SASH1: variants seen among roughly 807,000 people sequenced by gnomAD.
SASH1 encodes SAM and SH3 domain containing 1, also known as SAM and SH3 domain-containing protein 1.
A neutral mutation model predicts 125.2 loss-of-function variants in SASH1; 44 were observed. The ratio of observed to expected loss-of-function variants is 0.35; its 90% CI spans 0.28 to 0.45. The LOEUF is 0.45. Among genes scored for constraint, SASH1 ranks in the 20% least tolerant of loss-of-function variants. SASH1 has a pLI of 1.00. For synonymous variants in SASH1, 639 were observed against 649.1 expected, an observed-to-expected ratio of 0.98 and a Z score of 0.24; for missense variants, 1,426 against 1,614.5, an observed-to-expected ratio of 0.88 and a Z score of 2.00.
intron 1 of SASH1, among the ~76,000 whole-genome samples, chr6:148,388,042 A>G (rs1000824731): frequency 1.3e-5 from 2 of 148,538 alleles, no homozygotes; most frequent in Non-Finnish European, 3.0e-5. Flanking sequence ...CAGCCTCCTG[A>G]GTAGCTGGGA....
intron 1 of SASH1, among the ~76,000 whole-genome samples, chr6:148,276,788 A>T (rs1005628850): frequency 3.3e-5 from 5 of 152,154 alleles, no homozygotes; most frequent in Non-Finnish European, 5.9e-5. Flanking sequence ...AGTACTTCAC[A>T]TAAATAATCA....
chr6:148,471,849 A>G (rs969961396), intron 6 of SASH1, among the ~76,000 whole-genome samples: 9 of 152,088 alleles, frequency 5.9e-5, no homozygotes, highest in South Asian at 2.1e-4. Context: ...GAGCCCTAGC[A>G]TGTGTTGGTT....
intron 4 of SASH1, among the ~76,000 whole-genome samples, chr6:148,449,278 C>T (rs1185404675): frequency 2.0e-5 from 3 of 151,282 alleles, no homozygotes; most frequent in African/African-American, 7.3e-5. Context: ...CCATATTGGC[C>T]AGGCTTGTTA....
intron 2 of SASH1, among the ~76,000 whole-genome samples, chr6:148,424,649 G>A (rs990459784): frequency 1.3e-5 from 2 of 152,288 alleles, no homozygotes; most frequent in African/African-American, 4.8e-5. Flanking sequence ...GGGTTTACTG[G>A]TGTGAGCCAC....
upstream of SASH1, among the ~76,000 whole-genome samples, chr6:148,340,678 C>T (rs117318962): frequency 7.9e-4 from 120 of 152,242 alleles, no homozygotes; most frequent in African/African-American, 1.0e-3. Context: ...TCACAGAGCA[C>T]GAGGGAGCCT....
chr6:148,298,205 G>T (rs1562311876), intron 1 of SASH1, among the ~76,000 whole-genome samples: 1 of 151,966 alleles, frequency 6.6e-6, no homozygotes, highest in African/African-American at 2.4e-5. Context: ...TGGAGATGGG[G>T]TGTCACCATG....
intron 8 of SASH1, among the ~76,000 whole-genome samples, chr6:148,507,460 T>C (rs1409355740): frequency 6.6e-6 from 1 of 152,108 alleles, no homozygotes; most frequent in Non-Finnish European, 1.5e-5. Context: ...AGCCTCTGCC[T>C]CCCGGACTCA....
At chr6:148,448,175 T>G (rs1776901255) in intron 4 of SASH1, among the ~76,000 whole-genome samples, 2 of 151,718 alleles carry the variant, frequency 1.3e-5, no homozygotes, top group Admixed American at 6.6e-5. Context: ...CGTTGTCACC[T>G]TCCACCCTGA....
intron 5 of SASH1, among the ~76,000 whole-genome samples, chr6:148,469,700 TC>T (rs1410316153): frequency 6.6e-6 from 1 of 152,012 alleles, no homozygotes; most frequent in Admixed American, 6.6e-5. Context: ...ACCACTGCAC[TC>T]CAGCTTGGAC....
intron 1 of SASH1, among the ~76,000 whole-genome samples, chr6:148,316,243 G>A (rs6570842): frequency 0.62 from 93,519 of 151,418 alleles, 29,378 homozygotes; most frequent in African/African-American, 0.74. Context: ...CAGCTTCCAC[G>A]TTCTTCCCTC....
rs116377904 is a variant in SASH1 at position 148,539,651 on chromosome 6, G to A, written c.2096-792G>A. 7.5e-3 allele frequency among the ~76,000 whole-genome samples: 1,138 copies of A among 152,290 alleles called. 15 individuals are homozygous for A. Among genetic ancestry groups the A allele is most frequent in the African/African-American group, 0.026 (1,076 of 41,552 alleles). On this transcript the variant is annotated intron_variant, in intron 16 of 19. Transcript: ENST00000367467. ...TCCATTTATCTATACCAGCAAGCAT[G>A]TATCTGTTACTCAGCTTCCAAGTTC...
chr6:148,387,538 CTTTCT>C (rs200717690), intron 1 of SASH1, among the ~76,000 whole-genome samples: 1,707 of 138,762 alleles, frequency 0.012, 30 homozygotes, highest in Middle Eastern at 0.029. Flanking sequence ...TTTCTTCTTT[CTTTCT>C]TTTCTTTTCC....
chr6:148,492,061 G>A (rs1779132043), intron 8 of SASH1, among the ~76,000 whole-genome samples: 1 of 152,162 alleles, frequency 6.6e-6, no homozygotes, highest in South Asian at 2.1e-4. Context: ...TCCATACCGG[G>A]TCCCTTAGTA....
At chr6:148,538,113 C>T (rs893342126) in intron 16 of SASH1, among the ~76,000 whole-genome samples, 3 of 152,130 alleles carry the variant, frequency 2.0e-5, no homozygotes, top group African/African-American at 7.2e-5. Context: ...GCGATTCTAG[C>T]CCCCTTCCTT....
chr6:148,465,279 C>T (rs1777779472), intron 4 of SASH1, among the ~76,000 whole-genome samples: 1 of 152,092 alleles, frequency 6.6e-6, no homozygotes, highest in South Asian at 2.1e-4. Flanking sequence ...TGGCCGGTCA[C>T]GGTGGCTCAT....
intron 1 of SASH1, among the ~76,000 whole-genome samples, chr6:148,320,268 A>G (rs919134507): frequency 6.6e-6 from 1 of 152,204 alleles, no homozygotes; most frequent in African/African-American, 2.4e-5. Context: ...AGCCTGTGGA[A>G]AGATCTGGAC....
At chr6:148,220,019 G>T in the SASH1 span, among the ~76,000 whole-genome samples, 2 of 152,212 alleles carry the variant, frequency 1.3e-5, no homozygotes, top group African/African-American at 4.8e-5. Flanking sequence ...TGGCAATTTG[G>T]AGGTCTCTTC....
intron 8 of SASH1, chr6:148,509,235 CTT>C (rs1554266608): frequency 8.0e-6 from 2 of 251,572 alleles, no homozygotes; most frequent in Non-Finnish European, 1.6e-5. Flanking sequence ...GCTTCCTTCT[CTT>C]AAGTTTAAGA....
intron 2 of SASH1, among the ~76,000 whole-genome samples, chr6:148,408,592 T>C (rs758301445): frequency 6.6e-6 from 1 of 152,244 alleles, no homozygotes; most frequent in Non-Finnish European, 1.5e-5. Flanking sequence ...TTATCAGATA[T>C]GATTTGCAAA....
Sources: allele counts gnomAD v4.1 joint callset (sites outside exome capture counted in the v4.1 genomes callset), GRCh38; gene constraint gnomAD v4.1.1; transcripts MANE v1.5; gene names NCBI Gene and HGNC (gene_info 2026-07-23, HGNC 2026-07-21).